The following PXK variants were observed in gnomAD, a reference collection of about 807,000 sequenced individuals.
PXK encodes PX domain containing serine/threonine kinase like.
A neutral mutation model predicts 84.7 loss-of-function variants in PXK; 35 were observed. The ratio of observed to expected loss-of-function variants is 0.41; its 90% CI spans 0.32 to 0.55. The LOEUF (loss-of-function observed/expected upper bound fraction) is 0.55, where lower values mean the gene tolerates loss of function less well. PXK is among the 20% of genes least tolerant of loss of function. PXK has a pLI of 0.21. For synonymous variants in PXK, 253 were observed against 260.8 expected (o/e 0.97, Z 0.29); for missense variants, 634 against 699.7 (o/e 0.91, Z 1.06).
At chr3:58,392,490 C>T (rs1407658439) in intron 7 of PXK, among the ~76,000 whole-genome samples, 2 of 152,142 alleles carry the variant, frequency 1.3e-5, no homozygotes, top group African/African-American at 4.8e-5. Context: ...GAACTGAACA[C>T]AATTACACTG....
chr3:58,421,686 TGC>T lies in PXK; in HGVS notation c.1529-3065_1529-3064del, dbSNP rs1191787562. 1.0e-6 allele frequency: 1 copy of T among 988,194 alleles called. No individual in the cohort carries two copies. Among genetic ancestry groups the T allele is most frequent in the Non-Finnish European group, 1.2e-6 (1 of 830,338 alleles). The allele number at this position is 988,194 out of a possible 1,614,324, so 61.2% of individuals were successfully genotyped here. A position where few individuals can be genotyped will look rare whatever the true frequency, so the allele number is the denominator to read the frequency against. On this transcript the variant is annotated intron_variant, in intron 17 of 17. Coordinates refer to ENST00000356151, the MANE Select transcript of PXK (RefSeq NM_017771.5). This position sits in a 1 kb window ranked among gnomAD's most constrained non-coding sequence, Gnocchi z 5.5. ...CCCTAGATCTGACCTACGCTCTCCC[TGC>T]AGCATTCTCTGCCCTCTGACAGGGC...
At chr3:58,357,874 C>T (rs952149182) in intron 1 of PXK, among the ~76,000 whole-genome samples, 12 of 151,798 alleles carry the variant, frequency 7.9e-5, no homozygotes, top group Non-Finnish European at 1.2e-4. Context: ...TATATGAACC[C>T]GGGAAGCAGA....
chr3:58,376,438 T>TAA (rs1158977106), intron 3 of PXK, among the ~76,000 whole-genome samples: 6 of 152,076 alleles, frequency 3.9e-5, no homozygotes, highest in African/African-American at 1.2e-4. Flanking sequence ...TAAATAAAAT[T>TAA]AATTAATTAG....
chr3:58,369,586 G>T, intron 3 of PXK, 108 bp downstream of exon 3: 1 of 827,054 alleles, frequency 1.2e-6, no homozygotes, highest in South Asian at 1.5e-5. Context: ...AGCACTTGGG[G>T]AGGCCAATGC....
Position 58,382,527 on chromosome 3 carries a change from G to A in PXK, c.215G>A (p.Ser72Asn), listed in dbSNP as rs1314255911. ...LNNSLQIAGL[S>N]LPLPPKKLIG... ...TTTTTTTTAAAGATTGCAGGCCTAA[G>A]TCTACCTCTTCCTCCCAAAAAATTG... Residue 72 changes from serine (S) to asparagine (N), a missense_variant, in exon 4 of 18, where the codon AGT (serine) becomes AAT (asparagine). Around this residue, in one of 3 missense-constraint regions of PXK, gnomAD observed 353 missense variants for 385.2 expected, o/e 0.92. Coordinates refer to ENST00000356151, the MANE Select transcript of PXK (RefSeq NM_017771.5). 6.5e-7 allele frequency: 1 copy of A among 1,540,036 alleles called. No individual in the cohort carries two copies. Among genetic ancestry groups the A allele is most frequent in the Non-Finnish European group, 8.7e-7 (1 of 1,145,650 alleles).
rs371963385 is a variant in PXK, at chr3:58,412,049, G to T, written c.1466-852G>T. ...CACCAGCTCTGGTGGCTTCTCAGGC[G>T]TGTGATGGCAGCCCTCTGGGTGTGT... On this transcript the variant is annotated intron_variant, in intron 16 of 17. Transcript: ENST00000356151. The surrounding 1 kb of genome is among the most constrained non-coding windows in gnomAD (Gnocchi z 6.2). Among the ~76,000 whole-genome samples, 13 of 152,244 alleles carry T rather than the reference G, an allele frequency of 8.5e-5. No individual in the cohort carries two copies. The East Asian group carries it at 1.7e-3, about 20-fold the overall frequency.
rs375442101 is a variant in PXK, at chr3:58,339,293, C to T, written c.102+6203C>T. On this transcript the variant is annotated intron_variant, in intron 1 of 17. Transcript: ENST00000356151. Reference sequence around the variant, plus strand: ...TTGCCCAGGCTGGAGTATAGTAGTGCGATCTCAGCTCACTGCAATCTCCGC... The same window carrying T: ...TTGCCCAGGCTGGAGTATAGTAGTGTGATCTCAGCTCACTGCAATCTCCGC... Among the ~76,000 whole-genome samples, 10 of 149,438 alleles carry T rather than the reference C, an allele frequency of 6.7e-5. No individual in the cohort carries two copies. In the East Asian group the frequency reaches 1.8e-3, roughly 27 times the overall value.
At position 58,395,082 on chromosome 3, in the gene PXK, T is replaced by C. The variant is rs148974542; in HGVS notation, c.700T>C (p.Leu234=). ...TAGGATGTTTAACGAAAAGGGAACA[T>C]TGAAGGATCTGATCTACAAGGTACC... is the stretch of plus-strand genomic sequence containing the variant. ...LIRMFNEKGT[L]KDLIYKAKPK... The change falls in exon 8 of 18, where the codon TTG becomes CTG. Residue 234 remains leucine, a synonymous_variant. Coordinates refer to ENST00000356151, the MANE Select transcript of PXK (RefSeq NM_017771.5). 171 of 1,611,508 alleles carry C rather than the reference T, an allele frequency of 1.1e-4. No homozygotes were observed. Among genetic ancestry groups the C allele is most frequent in the Non-Finnish European group, 1.4e-4 (165 of 1,177,810 alleles).
At position 58,424,960 on chromosome 3, in the gene PXK, A is replaced by G; in HGVS notation, c.1737A>G (p.Ter579TrpextTer29). 1 of 1,614,044 alleles carries G rather than the reference A, an allele frequency of 6.2e-7. No homozygotes were observed. Among genetic ancestry groups the G allele is most frequent in the South Asian group, 1.1e-5 (1 of 91,078 alleles). Residue 579 changes from the stop codon to tryptophan (W), a stop_lost, in exon 18 of 18, where the codon TGA becomes TGG. Transcript: ENST00000356151. ...TCDHSAPKIG* is the reference protein window; with the variant it reads ...TCDHSAPKIGW ...ATCACAGTGCTCCGAAGATCGGCTG[A>G]AGCTTCCTGTTTACACTTGGAGGGA...
rs752411806 is a variant in PXK, at chr3:58,386,290, C to CTTTTTTTTTT, written c.388+3604_388+3613dup. Among the ~76,000 whole-genome samples, 215 of 82,260 alleles carry CTTTTTTTTTT rather than the reference C, an allele frequency of 2.6e-3. 20 individuals are homozygous for CTTTTTTTTTT. Among genetic ancestry groups the CTTTTTTTTTT allele is most frequent in the African/African-American group, 7.6e-3 (156 of 20,522 alleles). The allele number at this position is 82,260 out of a possible 152,430, so 54.0% of individuals were successfully genotyped here. A position where few individuals can be genotyped will look rare whatever the true frequency, so the allele number is the denominator to read the frequency against. ...CTATCTCACACATATATCCCCCTTACTTTTTTTTTTTTTTTTTTTTTTTGA... is the reference window on the plus strand; with the variant it reads ...CTATCTCACACATATATCCCCCTTACTTTTTTTTTTTTTTTTTTTTTTTTTTTTTTTTTGA... On this transcript the variant is annotated intron_variant, in intron 4 of 17. Coordinates refer to ENST00000356151, the MANE Select transcript of PXK (RefSeq NM_017771.5).
intron 3 of PXK, among the ~76,000 whole-genome samples, chr3:58,376,231 A>T: frequency 6.6e-6 from 1 of 152,006 alleles, no homozygotes; most frequent in Non-Finnish European, 1.5e-5. Flanking sequence ...CCTGGCCAAC[A>T]TGGTGAAACC....
At chr3:58,406,074 A>G (rs1050488772) in intron 13 of PXK, among the ~76,000 whole-genome samples, 8 of 133,254 alleles carry the variant, frequency 6.0e-5, no homozygotes, top group African/African-American at 1.6e-4. Context: ...GGTTCAAGCA[A>G]TTCTGCTTCA....
At chr3:58,423,012 G>T in intron 17 of PXK, 1 of 985,384 alleles carries the variant, frequency 1.0e-6, no homozygotes, top group Non-Finnish European at 1.2e-6. Context: ...GTGGGAGGGT[G>T]CTGGGGAAGG....
At chr3:58,377,382 G>A (rs1225008144) in intron 3 of PXK, among the ~76,000 whole-genome samples, 1 of 151,948 alleles carries the variant, frequency 6.6e-6, no homozygotes, top group Non-Finnish European at 1.5e-5. Context: ...CCTTACCCTC[G>A]ATCAATACAC....
chr3:58,423,512 G>GT (rs1560165610), intron 17 of PXK: 1 of 1,535,516 alleles, frequency 6.5e-7, no homozygotes, highest in Admixed American at 2.0e-5. Flanking sequence ...ATTTTCTATT[G>GT]TAAGACTTTA....
rs1456022689 is a variant in PXK, at chr3:58,409,191, A to G, written c.1308+190A>G. On this transcript the variant is annotated intron_variant, in intron 14 of 17. Transcript: ENST00000356151. This position sits in a 1 kb window ranked among gnomAD's most constrained non-coding sequence, Gnocchi z 4.2. ...TCCTGCCCTCAGTCCTGCCTAGTCTATGTGGGAAACAAACATGTCCAGGAA... is the reference window on the plus strand; with the variant it reads ...TCCTGCCCTCAGTCCTGCCTAGTCTGTGTGGGAAACAAACATGTCCAGGAA... 6.6e-6 allele frequency among the ~76,000 whole-genome samples: 1 copy of G among 152,178 alleles called. No homozygotes were observed. Among genetic ancestry groups the G allele is most frequent in the South Asian group, 2.1e-4 (1 of 4,832 alleles).
chr3:58,422,485 G>A, intron 17 of PXK: 1 of 985,366 alleles, frequency 1.0e-6, no homozygotes, highest in Non-Finnish European at 1.2e-6. Context: ...GAGCCCTGGA[G>A]CCCTTTGGAC....
chr3:58,406,289 T>G (rs1175976603), intron 13 of PXK, among the ~76,000 whole-genome samples: 2 of 149,986 alleles, frequency 1.3e-5, no homozygotes, highest in African/African-American at 4.9e-5. Flanking sequence ...TTAATTTTTT[T>G]TTTTTTGAAG....
chr3:58,367,814 C>G (rs572317177), intron 2 of PXK, among the ~76,000 whole-genome samples: 1 of 152,270 alleles, frequency 6.6e-6, no homozygotes, highest in South Asian at 2.1e-4. Context: ...TCCTGAGTAG[C>G]TGGAACTATA....
Sources: gnomAD v4.1 joint callset for allele counts (sites outside exome capture counted in the v4.1 genomes callset) on GRCh38, gnomAD v4.1.1 for gene constraint, gnomAD v4.1.1 regional missense constraint, Gnocchi (gnomAD v3.1) non-coding constraint, MANE v1.5 for transcripts, NCBI Gene and HGNC (gene_info 2026-07-23, HGNC 2026-07-21) for gene names.